The following SEM1 variants were observed in gnomAD, a reference collection of about 807,000 sequenced individuals.
SEM1 encodes the protein SEM1 26S proteasome subunit.
In SEM1, 3 loss-of-function variants were observed where a neutral mutation model predicts 12.7. The observed-to-expected ratio is 0.24, with a 90% confidence interval of 0.11 to 0.61. The LOEUF is 0.61. Among genes scored for constraint, SEM1 ranks in the 20% least tolerant of loss-of-function variants. SEM1 has a pLI of 0.88. For missense variants in SEM1, 59 were observed against 81.3 expected (o/e 0.73, Z 1.06); for synonymous variants, 30 against 27.8 (o/e 1.08, Z -0.25).
At chr7:96,628,866 G>A (rs961505013) in intron 2 of SEM1, among the ~76,000 whole-genome samples, 4 of 152,148 alleles carry the variant, frequency 2.6e-5, no homozygotes, top group African/African-American at 7.2e-5. Flanking sequence ...TTTGTCTGGG[G>A]AAGTCTTTAG....
At chr7:96,598,409 T>TTC (rs1807072835) in intron 2 of SEM1, among the ~76,000 whole-genome samples, 1 of 148,110 alleles carries the variant, frequency 6.8e-6, no homozygotes. Context: ...TTTTTTTTTT[T>TTC]CCCCCAAATA....
intron 2 of SEM1, among the ~76,000 whole-genome samples, chr7:96,664,813 G>A (rs1490123773): frequency 6.6e-6 from 1 of 152,118 alleles, no homozygotes. Context: ...ATTAATGGTA[G>A]GATGGTTGAA....
At chr7:96,630,868 A>G (rs1022968680) in intron 2 of SEM1, among the ~76,000 whole-genome samples, 1 of 152,110 alleles carries the variant, frequency 6.6e-6, no homozygotes, top group Non-Finnish European at 1.5e-5. Flanking sequence ...TGCCAGGAGT[A>G]GGTCCTTCCT....
At chr7:96,647,100 T>C (rs1048753165) in intron 2 of SEM1, among the ~76,000 whole-genome samples, 1 of 152,238 alleles carries the variant, frequency 6.6e-6, no homozygotes. Context: ...TGGTGTGCTC[T>C]GCAGCCACCT....
At chr7:96,495,593 C>T (rs993862461) in intron 1 of SEM1, among the ~76,000 whole-genome samples, 4 of 152,138 alleles carry the variant, frequency 2.6e-5, no homozygotes, top group Admixed American at 2.6e-4. Flanking sequence ...AACTATTGTT[C>T]TGGCTTGGTT....
chr7:96,546,757 G>C (rs1805114614), intron 2 of SEM1, among the ~76,000 whole-genome samples: 2 of 152,006 alleles, frequency 1.3e-5, no homozygotes, highest in South Asian at 4.1e-4. Context: ...AATGAATGCT[G>C]TTCAACACAA....
chr7:96,663,046 T>C (rs915428204), intron 2 of SEM1, among the ~76,000 whole-genome samples: 1 of 150,852 alleles, frequency 6.6e-6, no homozygotes, highest in Non-Finnish European at 1.5e-5. Flanking sequence ...CATGGTATTA[T>C]GTGATTTTGT....
intron 2 of SEM1, among the ~76,000 whole-genome samples, chr7:96,644,735 G>A (rs927040725): frequency 2.0e-5 from 3 of 152,074 alleles, no homozygotes; most frequent in Admixed American, 1.3e-4. Flanking sequence ...TGTTCATCCT[G>A]GACAGCTTTC....
chr7:96,562,339 T>G (rs1229051086), intron 2 of SEM1, among the ~76,000 whole-genome samples: 1 of 152,224 alleles, frequency 6.6e-6, no homozygotes, highest in African/African-American at 2.4e-5. Context: ...AATTCATTAA[T>G]ATTTTGTGAC....
At chr7:96,593,118 G>C (rs186641730) in intron 2 of SEM1, among the ~76,000 whole-genome samples, 2 of 151,866 alleles carry the variant, frequency 1.3e-5, no homozygotes, top group Admixed American at 1.3e-4. Flanking sequence ...CTGAATATCT[G>C]CGAGAGACCT....
chr7:96,633,530 C>A (rs1808336681), intron 2 of SEM1, among the ~76,000 whole-genome samples: 1 of 152,038 alleles, frequency 6.6e-6, no homozygotes, highest in Non-Finnish European at 1.5e-5. Flanking sequence ...TTATAACATT[C>A]CTGGGATAAT....
intron 2 of SEM1, among the ~76,000 whole-genome samples, chr7:96,628,563 T>G (rs770376592): frequency 2.6e-5 from 4 of 152,176 alleles, no homozygotes; most frequent in Non-Finnish European, 5.9e-5. Context: ...TTTTTAACTG[T>G]TTGTTGTTTG....
At chr7:96,526,149 T>C (rs1480993290) in intron 2 of SEM1, among the ~76,000 whole-genome samples, 1 of 152,150 alleles carries the variant, frequency 6.6e-6, no homozygotes, top group Non-Finnish European at 1.5e-5. Context: ...ATTTCTTTAC[T>C]AGCAATGTAG....
chr7:96,691,102 C>T (rs907708040), intron 2 of SEM1, among the ~76,000 whole-genome samples: 2 of 152,016 alleles, frequency 1.3e-5, no homozygotes, highest in Non-Finnish European at 2.9e-5. Context: ...TTATGTAAGA[C>T]GTGAAATAGG....
chr7:96,705,435 C>T (rs1198204629), intron 1 of SEM1, among the ~76,000 whole-genome samples: 1 of 151,728 alleles, frequency 6.6e-6, no homozygotes, highest in East Asian at 1.9e-4. Context: ...TTGTTCTCTT[C>T]CCTCTTTTAC....
intron 1 of SEM1, among the ~76,000 whole-genome samples, chr7:96,708,787 T>C (rs1347189773): frequency 1.3e-5 from 2 of 152,196 alleles, no homozygotes; most frequent in Non-Finnish European, 2.9e-5. Context: ...ATCTGAAGAA[T>C]GGCAATACTG....
Position 96,709,821 on chromosome 7 carries a change from T to C in SEM1, c.-58A>G, listed in dbSNP as rs1183667654. 9 of 1,547,954 alleles carry C rather than the reference T, an allele frequency of 5.8e-6. No homozygotes were observed. Among genetic ancestry groups the C allele is most frequent in the Non-Finnish European group, 7.1e-6 (8 of 1,122,212 alleles). ...AGCAGAAAAGTTGGAACCCTCACTCTTCCTCAAGGAAACGCCACCGTCACT... is the reference window on the plus strand; with the variant it reads ...AGCAGAAAAGTTGGAACCCTCACTCCTCCTCAAGGAAACGCCACCGTCACT... On this transcript the variant is annotated 5_prime_UTR_variant, in exon 1 of 3. Coordinates refer to ENST00000248566, the MANE Select transcript of SEM1 (RefSeq NM_006304.2).
At chr7:96,527,974 A>G (rs1241349950) in intron 2 of SEM1, among the ~76,000 whole-genome samples, 1 of 152,124 alleles carries the variant, frequency 6.6e-6, no homozygotes, top group East Asian at 1.9e-4. Flanking sequence ...AGGAATATGT[A>G]TGGTTCATGA....
At chr7:96,657,761 G>A (rs375262973) in intron 2 of SEM1, among the ~76,000 whole-genome samples, 97 of 152,368 alleles carry the variant, frequency 6.4e-4, no homozygotes, top group Middle Eastern at 3.4e-3. Context: ...GTGGCACAGA[G>A]TGTGTCTTGC....
Sources: gnomAD v4.1 joint callset for allele counts (sites outside exome capture counted in the v4.1 genomes callset) on GRCh38, gnomAD v4.1.1 for gene constraint, MANE v1.5 for transcripts, NCBI Gene and HGNC (gene_info 2026-07-23, HGNC 2026-07-21) for gene names.